Variants in OCA2 observed in about 807,000 individuals in gnomAD.
OCA2 encodes P protein.
A neutral mutation model predicts 100.2 loss-of-function variants in OCA2; 77 were observed. That is an observed-to-expected ratio of 0.77 (90% confidence interval 0.64 to 0.93). OCA2 has a LOEUF of 0.93. OCA2 is among the 40% of genes least tolerant of loss of function. The probability of loss-of-function intolerance (pLI) is 0.00; values close to 1 mark genes in which losing one functional copy is unlikely to be tolerated. For synonymous variants in OCA2, 432 were observed against 439.2 expected (o/e 0.98, Z 0.21); for missense variants, 1,062 against 1,089.1 (o/e 0.98, Z 0.35).
At chr15:28,059,551 A>G (rs957956720) in intron 2 of OCA2, among the ~76,000 whole-genome samples, 2 of 152,216 alleles carry the variant, frequency 1.3e-5, no homozygotes, top group Non-Finnish European at 2.9e-5. Context: ...AGAAATAGTA[A>G]TAATAATAAT....
At chr15:28,070,420 A>C (rs1316683068) in intron 2 of OCA2, among the ~76,000 whole-genome samples, 30 of 76,390 alleles carry the variant, frequency 3.9e-4, no homozygotes, top group African/African-American at 6.7e-4. Flanking sequence ...CCGGCCAGCC[A>C]CCCCGTCCGG....
At chr15:27,977,183 C>T (rs1331679546) in intron 14 of OCA2, among the ~76,000 whole-genome samples, 1 of 152,054 alleles carries the variant, frequency 6.6e-6, no homozygotes, top group Admixed American at 6.5e-5. Context: ...AGATGTTTAT[C>T]AATATTATTG....
chr15:28,009,213 C>T (rs897823539), intron 9 of OCA2, among the ~76,000 whole-genome samples: 1 of 152,168 alleles, frequency 6.6e-6, no homozygotes, highest in African/African-American at 2.4e-5. Context: ...CTCTACCTTC[C>T]ACATCAAGTT....
At chr15:28,023,453 C>T (rs531186931) in intron 5 of OCA2, among the ~76,000 whole-genome samples, 114 of 152,278 alleles carry the variant, frequency 7.5e-4, no homozygotes, top group African/African-American at 2.6e-3. Flanking sequence ...CATTCCTGCA[C>T]GCACGCAGAG....
chr15:27,783,233 C>T (rs2032636756), intron 23 of OCA2, among the ~76,000 whole-genome samples: 1 of 152,156 alleles, frequency 6.6e-6, no homozygotes, highest in Non-Finnish European at 1.5e-5. Flanking sequence ...ATTCTTAAAG[C>T]ACCTGTGAAG....
intron 2 of OCA2, among the ~76,000 whole-genome samples, chr15:28,034,688 G>C (rs1305315851): frequency 6.6e-6 from 1 of 152,064 alleles, no homozygotes; most frequent in African/African-American, 2.4e-5. Context: ...TGGAAGGATT[G>C]ATTGCTTGAG....
chr15:28,097,914 G>C (rs2045016532), intron 1 of OCA2, among the ~76,000 whole-genome samples: 1 of 152,142 alleles, frequency 6.6e-6, no homozygotes, highest in Admixed American at 6.5e-5. Context: ...TTTCCAAAAT[G>C]CATATGGCCT....
intron 23 of OCA2, among the ~76,000 whole-genome samples, chr15:27,760,307 T>G (rs1410162583): frequency 1.3e-5 from 2 of 151,840 alleles, no homozygotes; most frequent in Admixed American, 6.6e-5. Flanking sequence ...ACAGCTAACA[T>G]GTCACTTGTT....
intron 19 of OCA2, among the ~76,000 whole-genome samples, chr15:27,878,847 TTC>T (rs1171304069): frequency 6.6e-6 from 1 of 152,160 alleles, no homozygotes; most frequent in Non-Finnish European, 1.5e-5. Flanking sequence ...AAAATATTTA[TTC>T]TTTTTTAAAT....
intron 2 of OCA2, among the ~76,000 whole-genome samples, chr15:28,053,949 A>G (rs971770525): frequency 1.3e-5 from 2 of 152,096 alleles, no homozygotes; most frequent in Non-Finnish European, 2.9e-5. Flanking sequence ...ACCCCCTTCT[A>G]AACTCATGAG....
At chr15:27,771,464 T>C (rs2031856642) in intron 23 of OCA2, among the ~76,000 whole-genome samples, 1 of 150,994 alleles carries the variant, frequency 6.6e-6, no homozygotes, top group African/African-American at 2.4e-5. Flanking sequence ...AGGCGTGGGT[T>C]CTCCAGGCAG....
chr15:28,073,895 G>A (rs1398576919), intron 2 of OCA2, among the ~76,000 whole-genome samples: 2 of 152,072 alleles, frequency 1.3e-5, no homozygotes, highest in Admixed American at 1.3e-4. Context: ...TAACTTAAGG[G>A]TTGTGTGAGG....
intron 2 of OCA2, among the ~76,000 whole-genome samples, chr15:28,057,147 A>T (rs1410565385): frequency 6.6e-6 from 1 of 152,258 alleles, no homozygotes; most frequent in Non-Finnish European, 1.5e-5. Context: ...CTGGCACAAA[A>T]AGTCTGATTC....
chr15:27,935,567 G>A (rs946144176), intron 18 of OCA2, among the ~76,000 whole-genome samples: 7 of 152,222 alleles, frequency 4.6e-5, no homozygotes, highest in African/African-American at 9.6e-5. Context: ...TGAGGCTCCC[G>A]AAGATGGACT....
chr15:28,058,274 C>G (rs1377823315), intron 2 of OCA2, among the ~76,000 whole-genome samples: 2 of 152,248 alleles, frequency 1.3e-5, no homozygotes, highest in Admixed American at 6.5e-5. Flanking sequence ...CAGGGAAGGA[C>G]GAAGGCCAGG....
intron 19 of OCA2, among the ~76,000 whole-genome samples, chr15:27,886,295 TCCAAGCAG>T (rs2151570309): frequency 6.6e-6 from 1 of 152,204 alleles, no homozygotes; most frequent in African/African-American, 2.4e-5. Flanking sequence ...CACCAAAAGA[TCCAAGCAG>T]CCCTTCAGGT....
At chr15:27,843,801 T>A (rs1009380982) in intron 23 of OCA2, among the ~76,000 whole-genome samples, 3 of 152,128 alleles carry the variant, frequency 2.0e-5, no homozygotes, top group African/African-American at 7.2e-5. Flanking sequence ...TGTGTGTGGG[T>A]CCTCACCTGG....
At chr15:27,997,150 GAA>G (rs36129898) in intron 9 of OCA2, among the ~76,000 whole-genome samples, 1,807 of 134,688 alleles carry the variant, frequency 0.013, 36 homozygotes, top group African/African-American at 0.046. Flanking sequence ...AAGAGAGAGA[GAA>G]AGAAAGAAAG....
the OCA2 span, among the ~76,000 whole-genome samples, chr15:27,727,396 T>G: frequency 6.6e-6 from 1 of 152,232 alleles, no homozygotes; most frequent in African/African-American, 2.4e-5. Context: ...TTCCAACCAG[T>G]GAGAATGAGG....
Sources: allele counts gnomAD v4.1 joint callset (sites outside exome capture counted in the v4.1 genomes callset), GRCh38; gene constraint gnomAD v4.1.1; transcripts MANE v1.5; gene names NCBI Gene and HGNC (gene_info 2026-07-23, HGNC 2026-07-21).